The following LYPLAL1 variants were observed in gnomAD, a reference collection of about 807,000 sequenced individuals.
LYPLAL1 encodes the protein lysophospholipase-like protein 1.
LYPLAL1 carries 23 observed loss-of-function variants against 19.7 expected under a neutral mutation model. That is an observed-to-expected ratio of 1.17 (90% CI 0.84 to 1.65). The LOEUF is 1.65. Among genes scored for constraint, LYPLAL1 ranks in the 40% most tolerant of loss-of-function variants. LYPLAL1 has a pLI of 0.00. For missense variants in LYPLAL1, 355 were observed against 279.4 expected (o/e 1.27, Z -1.93); for synonymous variants, 119 against 96.3 (o/e 1.24, Z -1.38).
chr1:219,314,899 C>G, the LYPLAL1 span, among the ~76,000 whole-genome samples: 1 of 152,020 alleles, frequency 6.6e-6, no homozygotes, highest in African/African-American at 2.4e-5. Flanking sequence ...ATGCAAGTGA[C>G]TCAATGAAAA....
At chr1:219,306,952 G>T in the LYPLAL1 span, among the ~76,000 whole-genome samples, 23 of 149,930 alleles carry the variant, frequency 1.5e-4, no homozygotes, top group Middle Eastern at 6.9e-3. Context: ...CAAACTCAAT[G>T]AATACATTAG....
chr1:219,334,531 GTGTGT>G, the LYPLAL1 span, among the ~76,000 whole-genome samples: 1 of 137,920 alleles, frequency 7.3e-6, no homozygotes, highest in African/African-American at 3.2e-5. Flanking sequence ...AGAGGGGTGT[GTGTGT>G]GTGTGTGTGT....
chr1:219,376,607 C>A, the LYPLAL1 span, among the ~76,000 whole-genome samples: 1 of 152,036 alleles, frequency 6.6e-6, no homozygotes, highest in South Asian at 2.1e-4. Flanking sequence ...ACCCCTAAAA[C>A]CCAACAAGAA....
At chr1:219,421,239 G>A in the LYPLAL1 span, among the ~76,000 whole-genome samples, 3 of 152,128 alleles carry the variant, frequency 2.0e-5, no homozygotes, top group Non-Finnish European at 4.4e-5. Context: ...TCCAGCTACA[G>A]AACTGTCAGA....
At chr1:219,321,736 T>C in the LYPLAL1 span, among the ~76,000 whole-genome samples, 1 of 152,080 alleles carries the variant, frequency 6.6e-6, no homozygotes. Context: ...GTTCTCAAGA[T>C]TGGTTCTTGG....
chr1:219,280,344 C>G, the LYPLAL1 span, among the ~76,000 whole-genome samples: 3 of 152,244 alleles, frequency 2.0e-5, no homozygotes, highest in African/African-American at 7.2e-5. Context: ...GGAATAGAAG[C>G]TATTATTATA....
the LYPLAL1 span, among the ~76,000 whole-genome samples, chr1:219,399,526 C>T: frequency 6.6e-6 from 1 of 152,182 alleles, no homozygotes; most frequent in Non-Finnish European, 1.5e-5. Flanking sequence ...TACCCATGCG[C>T]TGGCGAAGCA....
At chr1:219,342,840 A>AT in the LYPLAL1 span, among the ~76,000 whole-genome samples, 23 of 152,346 alleles carry the variant, frequency 1.5e-4, no homozygotes, top group Non-Finnish European at 1.8e-4. Flanking sequence ...CATTTTAAAG[A>AT]TTAAAACAAA....
the LYPLAL1 span, among the ~76,000 whole-genome samples, chr1:219,331,837 G>C: frequency 6.6e-6 from 1 of 152,104 alleles, no homozygotes. Context: ...AATGAAGAAG[G>C]CCACACAACA....
the LYPLAL1 span, among the ~76,000 whole-genome samples, chr1:219,443,948 A>T: frequency 6.6e-6 from 1 of 152,174 alleles, no homozygotes; most frequent in East Asian, 1.9e-4. Flanking sequence ...ACACTCACTC[A>T]CGCTGGGACC....
chr1:219,207,314 C>T (rs1413745461), intron 3 of LYPLAL1, among the ~76,000 whole-genome samples: 2 of 151,968 alleles, frequency 1.3e-5, no homozygotes. Flanking sequence ...TGATTTATGG[C>T]ATAAGAGCTT....
At chr1:219,331,637 G>A in the LYPLAL1 span, among the ~76,000 whole-genome samples, 5 of 152,136 alleles carry the variant, frequency 3.3e-5, no homozygotes, top group East Asian at 5.8e-4. Flanking sequence ...GACAGATAAA[G>A]TACACTCCAC....
At chr1:219,428,056 G>A in the LYPLAL1 span, among the ~76,000 whole-genome samples, 12 of 152,080 alleles carry the variant, frequency 7.9e-5, no homozygotes, top group African/African-American at 2.9e-4. Context: ...GCAGATCTGA[G>A]AAAAACCCAC....
chr1:219,270,227 C>G, the LYPLAL1 span, among the ~76,000 whole-genome samples: 1 of 152,112 alleles, frequency 6.6e-6, no homozygotes, highest in Non-Finnish European at 1.5e-5. Context: ...TGTCTTATGG[C>G]CATGGAAAAT....
the LYPLAL1 span, among the ~76,000 whole-genome samples, chr1:219,432,008 C>T: frequency 2.0e-5 from 3 of 152,198 alleles, no homozygotes; most frequent in Admixed American, 6.5e-5. Flanking sequence ...AGTAGATGCT[C>T]ATTGATAGCA....
chr1:219,235,560 T>C, the LYPLAL1 span, among the ~76,000 whole-genome samples: 1 of 152,184 alleles, frequency 6.6e-6, no homozygotes, highest in African/African-American at 2.4e-5. Flanking sequence ...CCAAACATGT[T>C]TTTGCAGAGT....
At chr1:219,197,792 C>A (rs7517136) in intron 3 of LYPLAL1, among the ~76,000 whole-genome samples, 7,344 of 152,098 alleles carry the variant, frequency 0.048, 313 homozygotes, top group African/African-American at 0.12. Context: ...AAAAAGAAAA[C>A]CCCATTAAAA....
chr1:219,399,199 C>G, the LYPLAL1 span, among the ~76,000 whole-genome samples: 1 of 152,158 alleles, frequency 6.6e-6, no homozygotes, highest in Admixed American at 6.5e-5. Context: ...ACTGTGCACA[C>G]AGTCACACTG....
At chr1:219,282,487 A>C in the LYPLAL1 span, among the ~76,000 whole-genome samples, 1 of 145,414 alleles carries the variant, frequency 6.9e-6, no homozygotes, top group Admixed American at 7.1e-5. Context: ...AGGACAATGG[A>C]GCACCTAGCA....
Sources: gnomAD v4.1 joint callset for allele counts (sites outside exome capture counted in the v4.1 genomes callset) on GRCh38, gnomAD v4.1.1 for gene constraint, MANE v1.5 for transcripts, NCBI Gene and HGNC (gene_info 2026-07-23, HGNC 2026-07-21) for gene names.